ZNF773: variants seen among roughly 807,000 people sequenced by gnomAD.
The protein encoded by ZNF773 is zinc finger protein 773.
In ZNF773, 11 loss-of-function variants were observed where a neutral mutation model predicts 12.8. That is an observed-to-expected ratio of 0.86 (90% CI 0.54 to 1.42). The LOEUF (loss-of-function observed/expected upper bound fraction) is 1.42. ZNF773 is among the 40% of genes most tolerant of loss of function. The pLI is 0.00. For synonymous variants in ZNF773, 175 were observed against 178.4 expected (o/e 0.98, Z 0.15); for missense variants, 518 against 527.2 (o/e 0.98, Z 0.17).
chr19:57,507,312 A>C lies in ZNF773; in HGVS notation c.1217A>C (p.Gln406Pro). ...GAGAATTCCAGCCTTGTTAAACATC[A>C]GAGGGTTCACACTGGAGCAAAGCCT... ...FSENSSLVKH[Q>P]RVHTGAKPYE... The change falls in exon 4 of 4, where the codon CAG becomes CCG. Residue 406 changes from glutamine (Q) to proline (P), a missense_variant. By Grantham distance (76) the Gln-to-Pro change is moderately conservative. Transcript: ENST00000282292. 1 of 1,614,162 alleles carries C rather than the reference A, an allele frequency of 6.2e-7. No individual in the cohort carries two copies. The highest frequency in any genetic ancestry group is 8.5e-7 in the Non-Finnish European group (1 of 1,180,026).
At chr19:57,517,152 T>C (rs1002242026), downstream of ZNF773, 3 of 152,274 alleles carry the variant, frequency 2.0e-5, no homozygotes, top group Non-Finnish European at 4.4e-5. Flanking sequence ...ACAATTTGTA[T>C]TTTTAATCCG....
downstream of ZNF773, among the ~76,000 whole-genome samples, chr19:57,512,570 A>G (rs4801229): frequency 0.21 from 31,450 of 151,936 alleles, 3,377 homozygotes; most frequent in African/African-American, 0.25. Flanking sequence ...CGCTGAGCTA[A>G]TTTTTGTATT....
chr19:57,501,281 CTTTTTT>C (rs11456589), intron 1 of ZNF773, among the ~76,000 whole-genome samples: 2 of 137,506 alleles, frequency 1.5e-5, no homozygotes, highest in African/African-American at 5.4e-5. Flanking sequence ...CTTTTTCTTT[CTTTTTT>C]TTTTTTTTTT....
intron 1 of ZNF773, among the ~76,000 whole-genome samples, chr19:57,504,371 A>G (rs1294670381): frequency 2.6e-5 from 4 of 152,134 alleles, no homozygotes; most frequent in Admixed American, 2.0e-4. Context: ...CACAAATTTG[A>G]TTGTATTTGG....
Position 57,507,259 on chromosome 19 carries a change from G to A in ZNF773, c.1164G>A (p.Lys388=), listed in dbSNP as rs150456601. The A allele has an allele frequency of 6.2e-7, 1 of 1,611,212 alleles. No homozygotes were observed. The highest frequency in any genetic ancestry group is 8.5e-7 in the Non-Finnish European group (1 of 1,177,986). ...RKVHTGEKPF[K]CNECGRFFSE... ...TTCACACTGGAGAAAAACCTTTTAA[G>A]TGCAATGAATGTGGGAGATTCTTTA... Residue 388 remains lysine (K), a synonymous_variant, in exon 4 of 4, where the codon AAG becomes AAA. Coordinates refer to ENST00000282292, the MANE Select transcript of ZNF773 (RefSeq NM_198542.3).
chr19:57,512,531 G>C (rs1168512659), downstream of ZNF773, among the ~76,000 whole-genome samples: 2 of 151,380 alleles, frequency 1.3e-5, no homozygotes, highest in Non-Finnish European at 2.9e-5. Context: ...AGTCTCCTGA[G>C]TAGCTGGAAC....
At chr19:57,514,252 T>C (rs2089817998), downstream of ZNF773, 3 of 152,228 alleles carry the variant, frequency 2.0e-5, no homozygotes, top group South Asian at 6.2e-4. Flanking sequence ...TTAGGCACTA[T>C]TATTACTGAA....
At chr19:57,513,737 C>A (rs1269726911), downstream of ZNF773, 1 of 152,228 alleles carries the variant, frequency 6.6e-6, no homozygotes, top group Non-Finnish European at 1.5e-5. Context: ...CTGGAATTCA[C>A]CAGTATTTGT....
intron 3 of ZNF773, among the ~76,000 whole-genome samples, chr19:57,505,991 G>C (rs1291820981): frequency 6.6e-6 from 1 of 152,172 alleles, no homozygotes; most frequent in African/African-American, 2.4e-5. Flanking sequence ...TTACAGGCAT[G>C]AGGCACCGCG....
chr19:57,509,504 A>G (rs2089779319), downstream of ZNF773, among the ~76,000 whole-genome samples: 1 of 152,236 alleles, frequency 6.6e-6, no homozygotes. Flanking sequence ...TGGTTGTGGC[A>G]GAAAAGGTAC....
chr19:57,504,630 A>C (rs1324972997), intron 1 of ZNF773, 27 bp from the exon 2 acceptor site: 10 of 1,612,318 alleles, frequency 6.2e-6, no homozygotes, highest in Non-Finnish European at 7.6e-6. Flanking sequence ...AGGAGACCGC[A>C]GATAAACTCA....
In ZNF773 at chr19:57,500,063, T is replaced by G. The variant is rs747220315; in HGVS notation, c.-18T>G. 6.3e-7 allele frequency: 1 copy of G among 1,591,446 alleles called. No homozygotes were observed. The highest frequency in any genetic ancestry group is 1.1e-5 in the South Asian group (1 of 88,054). ...CCGGGCCCTTTCCTCGGTCGTTGTC[T>G]CACCGCCACAGGCTCCGATGGCGGC... On this transcript the variant is annotated 5_prime_UTR_variant, in exon 1 of 4. Coordinates refer to ENST00000282292, the MANE Select transcript of ZNF773 (RefSeq NM_198542.3).
rs1032558072 is a variant in ZNF773 at position 57,504,528 on chromosome 19, G to A, written c.34-129G>A. 1.7e-5 allele frequency: 24 copies of A among 1,375,742 alleles called. No homozygotes were observed. The Admixed American group carries it at 2.3e-4, about 13-fold the overall frequency. 85.2% of individuals were successfully genotyped at this position (1,375,742 alleles called of 1,614,324 possible). ...ACATGAGGAGAGAGTGGGCATCAGT[G>A]GTTCTGGGGCAGGGTCTCTCTTCTG... is the stretch of plus-strand genomic sequence containing the variant. On this transcript the variant is annotated intron_variant, in intron 1 of 3. Coordinates refer to ENST00000282292, the MANE Select transcript of ZNF773 (RefSeq NM_198542.3).
chr19:57,517,914 G>A (rs190459905), downstream of ZNF773: 1 of 152,684 alleles, frequency 6.5e-6, no homozygotes, highest in East Asian at 1.9e-4. Flanking sequence ...ACTTCAAACA[G>A]CACCTCAATG....
At chr19:57,508,514 C>T (rs1043621673), downstream of ZNF773, 5 of 700,598 alleles carry the variant, frequency 7.1e-6, no homozygotes, top group African/African-American at 3.5e-5. Context: ...TTATAATTTT[C>T]ACCAGTTTGG....
chr19:57,502,982 C>A (rs778804287), intron 1 of ZNF773, among the ~76,000 whole-genome samples: 1 of 152,148 alleles, frequency 6.6e-6, no homozygotes, highest in Non-Finnish European at 1.5e-5. Context: ...TGAGCCACAG[C>A]GCCTAGCCAG....
chr19:57,500,074 G>C lies in ZNF773; in HGVS notation c.-7G>C, dbSNP rs1357647439. ...CCTCGGTCGTTGTCTCACCGCCACA[G>C]GCTCCGATGGCGGCGGCCACGCTGA... On this transcript the variant is annotated 5_prime_UTR_variant, in exon 1 of 4. Coordinates refer to ENST00000282292, the MANE Select transcript of ZNF773 (RefSeq NM_198542.3). 2 of 1,601,424 alleles carry C rather than the reference G, an allele frequency of 1.2e-6. No homozygotes were observed. The highest frequency in any genetic ancestry group is 1.7e-6 in the Non-Finnish European group (2 of 1,175,632).
At chr19:57,514,465 A>T (rs2089819589), downstream of ZNF773, 1 of 152,176 alleles carries the variant, frequency 6.6e-6, no homozygotes, top group Admixed American at 6.5e-5. Context: ...GCAGAAGCTG[A>T]ATTATAGCTT....
At chr19:57,517,738 T>G (rs574007090), downstream of ZNF773, 2 of 152,362 alleles carry the variant, frequency 1.3e-5, no homozygotes, top group South Asian at 4.1e-4. Flanking sequence ...CAAGGAACTT[T>G]GTAAAGGCCC....
Sources: gnomAD v4.1 joint callset for allele counts (sites outside exome capture counted in the v4.1 genomes callset) on GRCh38, gnomAD v4.1.1 for gene constraint, MANE v1.5 for transcripts, NCBI Gene and HGNC (gene_info 2026-07-23, HGNC 2026-07-21) for gene names.